The following RARS2 variants were observed in gnomAD, a reference collection of about 807,000 sequenced individuals.
The protein encoded by RARS2 is probable arginine--tRNA ligase, mitochondrial.
A neutral mutation model predicts 88.5 loss-of-function variants in RARS2; 67 were observed. The observed-to-expected ratio is 0.76, with a 90% CI of 0.62 to 0.93. The LOEUF (loss-of-function observed/expected upper bound fraction) is 0.93, where lower values mean the gene tolerates loss of function less well. Among genes scored for constraint, RARS2 ranks in the 40% least tolerant of loss-of-function variants. The pLI, the probability that RARS2 is intolerant of heterozygous loss-of-function variation, is 0.00. For synonymous variants in RARS2, 239 were observed against 230.3 expected (o/e 1.04, Z -0.34); for missense variants, 664 against 684.2 (o/e 0.97, Z 0.33).
intron 1 of RARS2, among the ~76,000 whole-genome samples, chr6:87,574,172 A>T (rs1282344477): frequency 6.6e-6 from 1 of 152,264 alleles, no homozygotes; most frequent in Non-Finnish European, 1.5e-5. Context: ...TGGCCTTTCC[A>T]ATGAAAACAC....
intron 9 of RARS2, 135 bp from the exon 10 acceptor site, chr6:87,529,783 T>G: frequency 1.5e-6 from 1 of 682,678 alleles, no homozygotes; most frequent in Non-Finnish European, 2.7e-6. Flanking sequence ...GGGCTGAGTG[T>G]GGTGGCTCAT....
At chr6:87,539,394 A>G (rs187773383) in intron 8 of RARS2, among the ~76,000 whole-genome samples, 2 of 152,372 alleles carry the variant, frequency 1.3e-5, no homozygotes, top group East Asian at 3.9e-4. Flanking sequence ...GCTAGCCGTA[A>G]TAAAGAAATC....
chr6:87,532,562 T>C (rs1037347134), intron 8 of RARS2, among the ~76,000 whole-genome samples: 7 of 152,222 alleles, frequency 4.6e-5, no homozygotes, highest in African/African-American at 1.7e-4. Flanking sequence ...GCTGGAAGTA[T>C]GTGCACCTTG....
rs759930012 is a variant in RARS2 at position 87,548,666 on chromosome 6, CA to C, written c.396-21del. 1 of 1,608,046 alleles carries C rather than the reference CA, an allele frequency of 6.2e-7. No individual in the cohort carries two copies. The highest frequency in any genetic ancestry group is 1.7e-5 in the Admixed American group (1 of 59,788). On this transcript the variant is annotated intron_variant, in intron 5 of 19. Transcript: ENST00000369536. The stretch of plus-strand genomic sequence containing the variant: ...GGTGAACTGCAAAAAAAATGGGAAA[CA>C]TTTCTCTATTCTAAGACTTAAGACT...
chr6:87,538,951 C>T (rs1354167760), intron 8 of RARS2, among the ~76,000 whole-genome samples: 1 of 151,798 alleles, frequency 6.6e-6, no homozygotes, highest in Non-Finnish European at 1.5e-5. Context: ...GGAGAATCAC[C>T]TGAGCCTGGG....
At chr6:87,521,600 A>C (rs1482504974) in intron 11 of RARS2, 76 bp from the exon 12 acceptor site, 1 of 1,112,106 alleles carries the variant, frequency 9.0e-7, no homozygotes, top group African/African-American at 1.5e-5. Context: ...TTTAATAGCA[A>C]TGAGCATTTT....
chr6:87,526,672 A>AT (rs138481516), intron 10 of RARS2, among the ~76,000 whole-genome samples: 190 of 143,958 alleles, frequency 1.3e-3, no homozygotes, highest in African/African-American at 2.9e-3. Context: ...GGTCAACTGA[A>AT]TTTTTTTTTT....
At chr6:87,589,844 G>A in intron 1 of RARS2, 78 bp downstream of exon 1, 1 of 1,613,850 alleles carries the variant, frequency 6.2e-7, no homozygotes, top group South Asian at 1.1e-5. Context: ...AGCTGACTGA[G>A]GACTGGCCCG....
Position 87,514,248 on chromosome 6 carries a change from TTG to T in RARS2, c.*163_*164del. 4.2e-6 allele frequency: 2 copies of T among 473,774 alleles called. No individual in the cohort carries two copies. The highest frequency in any genetic ancestry group is 7.7e-6 in the Non-Finnish European group (2 of 259,954). The allele number at this position is 473,774 out of a possible 1,614,324, so 29.3% of individuals were successfully genotyped here. ...ATTGCTTGAACCTGGGAGGTGGAGGTTGCAGTGAGCCAACATCACACCATTGC... is the reference window on the plus strand; with the variant it reads ...ATTGCTTGAACCTGGGAGGTGGAGGTCAGTGAGCCAACATCACACCATTGC... On this transcript the variant is annotated 3_prime_UTR_variant, in exon 20 of 20. Transcript: ENST00000369536.
chr6:87,523,395 T>C (rs1674150078), intron 11 of RARS2, among the ~76,000 whole-genome samples: 1 of 152,194 alleles, frequency 6.6e-6, no homozygotes, highest in Non-Finnish European at 1.5e-5. Flanking sequence ...AACTTTCATT[T>C]ACATCCCCCA....
Position 87,520,276 on chromosome 6 carries a change from T to A in RARS2, c.1036-20A>T, listed in dbSNP as rs769052932. The A allele has an allele frequency of 6.5e-7, 1 of 1,539,642 alleles. No individual in the cohort carries two copies. Among genetic ancestry groups the A allele is most frequent in the Non-Finnish European group, 9.0e-7 (1 of 1,114,808 alleles). On this transcript the variant is annotated intron_variant, in intron 12 of 19. Transcript: ENST00000369536. Reference sequence around the variant, plus strand: ...ATCTGTCTTGGGAAGAAAATATATATAAAATAAAAGAATACTGACAAATTA... The same window carrying A: ...ATCTGTCTTGGGAAGAAAATATATAAAAAATAAAAGAATACTGACAAATTA...
intron 2 of RARS2, among the ~76,000 whole-genome samples, chr6:87,569,273 T>C (rs1191880557): frequency 6.6e-6 from 1 of 152,182 alleles, no homozygotes; most frequent in Non-Finnish European, 1.5e-5. Flanking sequence ...TTATAGTTAC[T>C]AGCATAACTA....
chr6:87,529,136 A>G (rs569719217), intron 10 of RARS2, among the ~76,000 whole-genome samples: 1 of 152,288 alleles, frequency 6.6e-6, no homozygotes, highest in Non-Finnish European at 1.5e-5. Context: ...TTCCTCATTT[A>G]TAAGCCTGTT....
At chr6:87,548,019 T>C (rs1399115330) in intron 6 of RARS2, among the ~76,000 whole-genome samples, 1 of 152,196 alleles carries the variant, frequency 6.6e-6, no homozygotes, top group African/African-American at 2.4e-5. Flanking sequence ...TTAACAAAAA[T>C]TGTTATTCGT....
chr6:87,519,650 G>A lies in RARS2; in HGVS notation c.1170C>T (p.Val390=), dbSNP rs780796866. 2.5e-5 allele frequency: 41 copies of A among 1,612,896 alleles called. No homozygotes were observed. Among genetic ancestry groups the A allele is most frequent in the Middle Eastern group, 1.6e-4 (1 of 6,062 alleles). The part of the protein sequence containing the change: ...VQGMKTRRGD[V]TFLEDVLNEI... ...CATTTAAAACATCTTCCAGGAAAGT[G>A]ACATCTCCTCTTCGAGTCTTCATTC... is the stretch of plus-strand genomic sequence containing the variant. The change falls in exon 14 of 20, where the codon GTC becomes GTT. Residue 390 remains valine (V), a synonymous_variant. Transcript: ENST00000369536.
chr6:87,554,306 A>T (rs374214841), intron 5 of RARS2, among the ~76,000 whole-genome samples: 3 of 152,222 alleles, frequency 2.0e-5, no homozygotes, highest in East Asian at 3.8e-4. Flanking sequence ...TACCTCTAAC[A>T]GTCCAAATAT....
intron 1 of RARS2, among the ~76,000 whole-genome samples, chr6:87,579,071 G>A (rs2072303558): frequency 6.7e-6 from 1 of 149,734 alleles, no homozygotes; most frequent in South Asian, 2.1e-4. Context: ...GCATCCTGAT[G>A]ACACATCTAT....
In RARS2 at chr6:87,530,952, C is replaced by A. The variant is rs145906589; in HGVS notation, c.613-10G>T. ...TAACTTGTACATAAACCTAAAAGTA[C>A]AATAGTACATTAAATGAAGTACATA... On this transcript the variant is annotated splice_polypyrimidine_tract_variant and intron_variant, in intron 8 of 19. Transcript: ENST00000369536. 3 of 1,613,712 alleles carry A rather than the reference C, an allele frequency of 1.9e-6. No individual in the cohort carries two copies. The highest frequency in any genetic ancestry group is 1.7e-5 in the Admixed American group (1 of 59,990).
rs182879637 is a variant in RARS2, at chr6:87,538,829, T to C, written c.612+3089A>G. Among the ~76,000 whole-genome samples the C allele has an allele frequency of 6.7e-3, 1,013 of 151,992 alleles. 9 individuals carry two copies. Among genetic ancestry groups the C allele is most frequent in the African/African-American group, 0.023 (961 of 41,438 alleles). ...CAGGAGGACTGTTTGAGCCCAAGAG[T>C]TTGAGACCAGCCTGGGCAACATAGG... On this transcript the variant is annotated intron_variant, in intron 8 of 19. Coordinates refer to ENST00000369536, the MANE Select transcript of RARS2 (RefSeq NM_020320.5).
Sources: gnomAD v4.1 joint callset for allele counts (sites outside exome capture counted in the v4.1 genomes callset) on GRCh38, gnomAD v4.1.1 for gene constraint, MANE v1.5 for transcripts, NCBI Gene and HGNC (gene_info 2026-07-23, HGNC 2026-07-21) for gene names.